Variants in CYP20A1 observed in about 807,000 individuals in gnomAD.
CYP20A1 encodes cytochrome P450 20A1.
Under a neutral mutation model 61.4 loss-of-function variants are expected in CYP20A1, and 61 were observed. The observed-to-expected ratio is 0.99, with a 90% CI of 0.81 to 1.23. The LOEUF (loss-of-function observed/expected upper bound fraction) is 1.23. Among genes scored for constraint, CYP20A1 ranks in the 50% most tolerant of loss-of-function variants. The probability of loss-of-function intolerance (pLI) is 0.00; values close to 1 mark genes in which losing one functional copy is unlikely to be tolerated. For missense variants in CYP20A1, 530 were observed against 542.4 expected (o/e 0.98, Z 0.23); for synonymous variants, 193 against 188.2 (o/e 1.03, Z -0.21).
intron 8 of CYP20A1, among the ~76,000 whole-genome samples, chr2:203,280,745 A>G (rs2068009141): frequency 6.6e-6 from 1 of 152,112 alleles, no homozygotes; most frequent in Non-Finnish European, 1.5e-5. Flanking sequence ...ACTTCTTTAT[A>G]ATTTTTCCCT....
In CYP20A1 at chr2:203,298,097, A is replaced by G. The variant is rs772748448; in HGVS notation, c.*1189A>G. 2 of 154,156 alleles carry G rather than the reference A, an allele frequency of 1.3e-5. No individual in the cohort carries two copies. Among genetic ancestry groups the G allele is most frequent in the Non-Finnish European group, 2.9e-5 (2 of 69,138 alleles). 9.5% of individuals were successfully genotyped at this position (154,156 alleles called of 1,614,324 possible). On this transcript the variant is annotated 3_prime_UTR_variant, in exon 13 of 13. Coordinates refer to ENST00000356079, the MANE Select transcript of CYP20A1 (RefSeq NM_177538.3). ...TGTTTAGTCTCACTAGTAAGTAACAAAATATTGGGGCAGGGCACAGTGGCT... is the reference window on the plus strand; with the variant it reads ...TGTTTAGTCTCACTAGTAAGTAACAGAATATTGGGGCAGGGCACAGTGGCT...
chr2:203,267,089 G>A (rs1313247595), intron 5 of CYP20A1, among the ~76,000 whole-genome samples: 6 of 151,930 alleles, frequency 3.9e-5, no homozygotes, highest in African/African-American at 1.5e-4. Context: ...TTGAACCCAG[G>A]AGTTCAAGGC....
chr2:203,298,959 T>C lies in CYP20A1; in HGVS notation c.*2051T>C, dbSNP rs1159858033. 6.6e-6 allele frequency among the ~76,000 whole-genome samples: 1 copy of C among 151,866 alleles called. No homozygotes were observed. Among genetic ancestry groups the C allele is most frequent in the East Asian group, 1.9e-4 (1 of 5,164 alleles). The stretch of plus-strand genomic sequence containing the variant: ...CTGAGGCAGGAGAATCGCTTGAACC[T>C]GGGAGGCGGAGGTTGCAGTGAGCTG... On this transcript the variant is annotated 3_prime_UTR_variant, in exon 13 of 13. Coordinates refer to ENST00000356079, the MANE Select transcript of CYP20A1 (RefSeq NM_177538.3).
intron 8 of CYP20A1, 129 bp from the exon 9 acceptor site, chr2:203,285,483 A>G (rs2068225896): frequency 4.0e-6 from 4 of 1,008,942 alleles, no homozygotes; most frequent in Non-Finnish European, 4.1e-6. Context: ...GCACTTATAT[A>G]TCTTCTATAT....
chr2:203,297,226 G>A lies in CYP20A1; in HGVS notation c.*318G>A. Reference sequence around the variant, plus strand: ...CTCTAAAATCAATGTTCTTGAAAAAGAAATTATTTTGCAGAAGTTGGGGAA... The same window carrying A: ...CTCTAAAATCAATGTTCTTGAAAAAAAAATTATTTTGCAGAAGTTGGGGAA... On this transcript the variant is annotated 3_prime_UTR_variant, in exon 13 of 13. Transcript: ENST00000356079. The A allele has an allele frequency of 5.3e-6, 1 of 189,208 alleles. No individual in the cohort carries two copies. Among genetic ancestry groups the A allele is most frequent in the Non-Finnish European group, 1.1e-5 (1 of 91,800 alleles). The allele number at this position is 189,208 out of a possible 1,614,324, so 11.7% of individuals were successfully genotyped here. A position where few individuals can be genotyped will look rare whatever the true frequency, so the allele number is the denominator to read the frequency against.
chr2:203,283,188 A>T (rs1345189452), intron 8 of CYP20A1, among the ~76,000 whole-genome samples: 2 of 144,116 alleles, frequency 1.4e-5, no homozygotes, highest in Non-Finnish European at 3.0e-5. Context: ...AAAAAAACCC[A>T]CAAACCAAAA....
At position 203,266,580 on chromosome 2, in the gene CYP20A1, C is replaced by T; in HGVS notation, c.499C>T (p.His167Tyr). The T allele has an allele frequency of 6.2e-7, 1 of 1,613,948 alleles. No homozygotes were observed. The highest frequency in any genetic ancestry group is 8.5e-7 in the Non-Finnish European group (1 of 1,179,878). ...PETQHVPLSQ[H>Y]MLGFAMKSVT... ...GACCCAGCACGTGCCCCTCAGCCAGCATATGCTTGGTTTTGCTATGAAGTC... is the reference window on the plus strand; with the variant it reads ...GACCCAGCACGTGCCCCTCAGCCAGTATATGCTTGGTTTTGCTATGAAGTC... The change falls in exon 5 of 13, where the codon CAT (histidine) becomes TAT (tyrosine). Residue 167 changes from histidine (H) to tyrosine (Y), a missense_variant. Physicochemically the swap from His to Tyr is moderately conservative, Grantham distance 83. Coordinates refer to ENST00000356079, the MANE Select transcript of CYP20A1 (RefSeq NM_177538.3).
At chr2:203,291,114 CTAGGCTGG>C (rs2068514884) in intron 10 of CYP20A1, among the ~76,000 whole-genome samples, 1 of 152,018 alleles carries the variant, frequency 6.6e-6, no homozygotes, top group Admixed American at 6.6e-5. Flanking sequence ...GCTCTGTTAC[CTAGGCTGG>C]AGTGCAGTGG....
rs1553513992 is a variant in CYP20A1, at chr2:203,251,793, G to GTGTA, written c.290-173_290-172insGTAT. 1.4e-3 allele frequency among the ~76,000 whole-genome samples: 88 copies of GTGTA among 64,226 alleles called. 6 individuals are homozygous for GTGTA. Among genetic ancestry groups the GTGTA allele is most frequent in the East Asian group, 6.4e-3 (19 of 2,982 alleles). The allele number at this position is 64,226 out of a possible 152,430, so 42.1% of individuals were successfully genotyped here. ...TCAAAAGAAAACTATATATATATGT[G>GTGTA]TATATATATATATATATATATATAA... On this transcript the variant is annotated intron_variant, in intron 3 of 12. Transcript: ENST00000356079.
At chr2:203,263,449 C>T (rs2067214604) in intron 4 of CYP20A1, among the ~76,000 whole-genome samples, 2 of 151,878 alleles carry the variant, frequency 1.3e-5, no homozygotes, top group African/African-American at 2.4e-5. Context: ...GCCACCAGGC[C>T]TGGCTAATTT....
Position 203,280,189 on chromosome 2 carries a change from C to T in CYP20A1, c.850+76C>T, listed in dbSNP as rs570371220. The stretch of plus-strand genomic sequence containing the variant: ...GAGCACAGTGGCTCACACCTGTAAT[C>T]CCAACACTTGGGGAGGCTGAGGTGG... On this transcript the variant is annotated intron_variant, in intron 8 of 12. Transcript: ENST00000356079. 7.0e-5 allele frequency: 83 copies of T among 1,182,230 alleles called. No individual in the cohort carries two copies. The South Asian group carries it at 1.1e-3, about 16-fold the overall frequency. The allele number at this position is 1,182,230 out of a possible 1,614,324, so 73.2% of individuals were successfully genotyped here.
At chr2:203,257,527 C>T (rs548734466) in intron 4 of CYP20A1, among the ~76,000 whole-genome samples, 38 of 151,956 alleles carry the variant, frequency 2.5e-4, no homozygotes, top group Middle Eastern at 6.8e-3. Context: ...CAGTGGCTCA[C>T]GCCTATAATC....
In CYP20A1 at chr2:203,246,905, C is replaced by A; in HGVS notation, c.273C>A (p.Ile91=). 1 of 1,612,952 alleles carries A rather than the reference C, an allele frequency of 6.2e-7. No individual in the cohort carries two copies. Among genetic ancestry groups the A allele is most frequent in the Non-Finnish European group, 8.5e-7 (1 of 1,179,784 alleles). ...LGTVDVLKQH[I]NPNKTSDPFE... ...CTGTTGATGTACTGAAGCAGCATATCAATCCCAATAAGACATGTAAGTTTA... is the reference window on the plus strand; with the variant it reads ...CTGTTGATGTACTGAAGCAGCATATAAATCCCAATAAGACATGTAAGTTTA... Residue 91 remains isoleucine (I), a synonymous_variant, in exon 3 of 13, where the codon ATC becomes ATA. Coordinates refer to ENST00000356079, the MANE Select transcript of CYP20A1 (RefSeq NM_177538.3).
rs765712815 is a variant in CYP20A1, at chr2:203,289,863, T to G, written c.1070T>G (p.Ile357Ser). The G allele has an allele frequency of 5.8e-6, 9 of 1,564,032 alleles. No individual in the cohort carries two copies. Among genetic ancestry groups the G allele is most frequent in the African/African-American group, 2.7e-5 (2 of 73,988 alleles). ...QDIEGKIDRFIIPRETLVLYA... is the reference protein window; with the variant it reads ...QDIEGKIDRFSIPRETLVLYA... ...ATTGAAGGAAAAATTGACCGATTTA[T>G]TATTCCTAGAGAGGTAGAAAACCTT... Residue 357 changes from isoleucine (I) to serine (S), a missense_variant, in exon 10 of 13, where the codon ATT becomes AGT. Coordinates refer to ENST00000356079, the MANE Select transcript of CYP20A1 (RefSeq NM_177538.3).
At chr2:203,273,306 T>G (rs2067682683) in intron 6 of CYP20A1, among the ~76,000 whole-genome samples, 1 of 152,158 alleles carries the variant, frequency 6.6e-6, no homozygotes, top group South Asian at 2.1e-4. Context: ...ATGGAAAGTA[T>G]AAGTGTACAA....
At chr2:203,245,796 G>A in intron 1 of CYP20A1, 50 bp from the exon 2 acceptor site, 3 of 1,128,702 alleles carry the variant, frequency 2.7e-6, no homozygotes, top group Admixed American at 3.9e-5. Flanking sequence ...AAACACATCT[G>A]ACTTATGGGA....
chr2:203,282,159 C>T (rs766481009), intron 8 of CYP20A1, among the ~76,000 whole-genome samples: 24 of 151,338 alleles, frequency 1.6e-4, no homozygotes, highest in Non-Finnish European at 3.2e-4. Flanking sequence ...TGCCTTAGCC[C>T]CCTGAGTAGC....
In CYP20A1 at chr2:203,251,970, A is replaced by G; in HGVS notation, c.293A>G (p.Asp98Gly). The G allele has an allele frequency of 1.3e-6, 2 of 1,553,884 alleles. No homozygotes were observed. Among genetic ancestry groups the G allele is most frequent in the Non-Finnish European group, 1.7e-6 (2 of 1,147,132 alleles). The change falls in exon 4 of 13, where the codon GAC becomes GGC. Residue 98 changes from aspartate to glycine, a missense_variant. Physicochemically the swap from Asp to Gly is moderately conservative, Grantham distance 94 (BLOSUM62 -1). Transcript: ENST00000356079. Reference protein sequence around the residue: ...KQHINPNKTSDPFETMLKSLL... With the variant: ...KQHINPNKTSGPFETMLKSLL... ...ATATTTAATTTGTCTGTTTCAGCGGACCCTTTTGAAACCATGCTGAAGTCA... is the reference window on the plus strand; with the variant it reads ...ATATTTAATTTGTCTGTTTCAGCGGGCCCTTTTGAAACCATGCTGAAGTCA...
rs539427096 is a variant in CYP20A1 at position 203,256,233 on chromosome 2, T to C, written c.432+4124T>C. On this transcript the variant is annotated intron_variant, in intron 4 of 12. Transcript: ENST00000356079. ...TTCCTCCCACCTTCATCTCGCAAAG[T>C]GCTGGGATTGCAAGCATGAGCCACT... 5.3e-5 allele frequency among the ~76,000 whole-genome samples: 8 copies of C among 152,320 alleles called. No homozygotes were observed. The South Asian group carries it at 1.2e-3, about 24-fold the overall frequency.
Sources: gnomAD v4.1 joint callset for allele counts (sites outside exome capture counted in the v4.1 genomes callset) on GRCh38, gnomAD v4.1.1 for gene constraint, MANE v1.5 for transcripts, NCBI Gene and HGNC (gene_info 2026-07-23, HGNC 2026-07-21) for gene names.